The following CNTN4 variants were observed in gnomAD, a reference collection of about 807,000 sequenced individuals.
The protein encoded by CNTN4 is contactin-4.
In CNTN4, 77 loss-of-function variants were observed where a neutral mutation model predicts 122.5. The observed-to-expected ratio is 0.63, with a 90% CI of 0.52 to 0.76. CNTN4 has a LOEUF of 0.76. Among genes scored for constraint, CNTN4 ranks in the 30% least tolerant of loss-of-function variants. CNTN4 has a pLI of 0.00. For missense variants in CNTN4, 1,256 were observed against 1,259.1 expected (o/e 1.00, Z 0.04); for synonymous variants, 512 against 447.0 (o/e 1.15, Z -1.83).
intron 3 of CNTN4, among the ~76,000 whole-genome samples, chr3:2,445,397 C>A (rs112099212): frequency 5.0e-4 from 10 of 20,150 alleles, no homozygotes; most frequent in Non-Finnish European, 8.2e-4. Context: ...ATTTTTAATT[C>A]TTTGATAAAT....
At chr3:2,953,740 C>G (rs373337162) in intron 13 of CNTN4, among the ~76,000 whole-genome samples, 4 of 152,170 alleles carry the variant, frequency 2.6e-5, no homozygotes, top group African/African-American at 9.6e-5. Flanking sequence ...TATAAATTGT[C>G]TTCCCCCTTA....
intron 8 of CNTN4, among the ~76,000 whole-genome samples, chr3:2,870,139 A>G (rs2093768331): frequency 6.6e-6 from 1 of 152,256 alleles, no homozygotes; most frequent in Non-Finnish European, 1.5e-5. Flanking sequence ...ACAAACATTC[A>G]GGAACACAAG....
intron 4 of CNTN4, among the ~76,000 whole-genome samples, chr3:2,674,296 T>A (rs1163964892): frequency 1.3e-5 from 2 of 152,122 alleles, no homozygotes; most frequent in Non-Finnish European, 2.9e-5. Flanking sequence ...AATTGACACA[T>A]AATTGCATAT....
rs558941074 is a variant in CNTN4 at position 2,720,921 on chromosome 3, G to A, written c.56-15294G>A. ...TGGTAGAGCTGAGATTTTGAACCCAGGCACTGTGGTTTTGACCCCTATAGC... is the reference window on the plus strand; with the variant it reads ...TGGTAGAGCTGAGATTTTGAACCCAAGCACTGTGGTTTTGACCCCTATAGC... On this transcript the variant is annotated intron_variant, in intron 4 of 24. Transcript: ENST00000418658. Among the ~76,000 whole-genome samples the A allele has an allele frequency of 1.3e-4, 20 of 152,216 alleles. No individual in the cohort carries two copies. In the East Asian group the frequency reaches 3.7e-3, roughly 28 times the overall value.
intron 4 of CNTN4, among the ~76,000 whole-genome samples, chr3:2,673,834 G>C (rs376129361): frequency 6.6e-6 from 1 of 152,114 alleles, no homozygotes. Flanking sequence ...GAGTCGCTGC[G>C]CCCGGCCGGA....
chr3:2,471,674 A>G (rs568004269), intron 3 of CNTN4, among the ~76,000 whole-genome samples: 2 of 152,302 alleles, frequency 1.3e-5, no homozygotes, highest in African/African-American at 2.4e-5. Flanking sequence ...GCATTGGTTC[A>G]CAGTATTCCA....
intron 3 of CNTN4, among the ~76,000 whole-genome samples, chr3:2,400,430 T>TATATATATATATATATATATATATATAC (rs2046811017): frequency 1.8e-4 from 12 of 68,546 alleles, no homozygotes; most frequent in Admixed American, 1.4e-3. Flanking sequence ...TATATATACA[T>TATATATATATATATATATATATATATAC]ATATATATAT....
Position 3,016,494 on chromosome 3 carries a change from G to A in CNTN4, c.1487-9608G>A, listed in dbSNP as rs116687723. 2.8e-3 allele frequency among the ~76,000 whole-genome samples: 419 copies of A among 152,218 alleles called. 2 individuals carry two copies. The highest frequency in any genetic ancestry group is 9.5e-3 in the African/African-American group (393 of 41,542). The stretch of plus-strand genomic sequence containing the variant: ...GGAGGTTTGCTTTCCCTGGTCATGG[G>A]TAAAAATAAAAACAAACAAGTTGAC... On this transcript the variant is annotated intron_variant, in intron 14 of 24. Coordinates refer to ENST00000418658, the MANE Select transcript of CNTN4 (RefSeq NM_175607.3).
intron 3 of CNTN4, among the ~76,000 whole-genome samples, chr3:2,530,556 C>T (rs1263279248): frequency 2.0e-5 from 3 of 152,078 alleles, no homozygotes; most frequent in South Asian, 2.1e-4. Context: ...GATCTGCCTG[C>T]CTCAGCCTCC....
intron 3 of CNTN4, among the ~76,000 whole-genome samples, chr3:2,390,431 G>A (rs530798354): frequency 1.5e-4 from 23 of 151,718 alleles, no homozygotes; most frequent in Non-Finnish European, 2.8e-4. Flanking sequence ...ATAATCAGAG[G>A]GCAAAATAGC....
intron 2 of CNTN4, among the ~76,000 whole-genome samples, chr3:2,133,156 A>G (rs1021918950): frequency 6.6e-6 from 1 of 152,174 alleles, no homozygotes; most frequent in South Asian, 2.1e-4. Flanking sequence ...TGGAACTTCA[A>G]CACTTAATGG....
intron 2 of CNTN4, among the ~76,000 whole-genome samples, chr3:2,254,526 A>G (rs2040501948): frequency 6.6e-6 from 1 of 151,858 alleles, no homozygotes; most frequent in Non-Finnish European, 1.5e-5. Flanking sequence ...AAGCATTCCT[A>G]TTTCTCCACA....
At chr3:2,952,456 A>G (rs998414638) in intron 13 of CNTN4, among the ~76,000 whole-genome samples, 1 of 152,174 alleles carries the variant, frequency 6.6e-6, no homozygotes, top group Non-Finnish European at 1.5e-5. Flanking sequence ...TTAGATGGGA[A>G]AGTGCTTTTT....
At chr3:2,923,698 A>G (rs1559672522) in intron 12 of CNTN4, among the ~76,000 whole-genome samples, 1 of 152,140 alleles carries the variant, frequency 6.6e-6, no homozygotes. Context: ...CCATCAAGCT[A>G]CCTTCTCATG....
At chr3:2,129,533 T>G (rs776378491) in intron 2 of CNTN4, among the ~76,000 whole-genome samples, 3 of 152,054 alleles carry the variant, frequency 2.0e-5, no homozygotes, top group Non-Finnish European at 2.9e-5. Flanking sequence ...GACTTTGACT[T>G]GAACTTCTTC....
intron 3 of CNTN4, among the ~76,000 whole-genome samples, chr3:2,561,907 C>T (rs2078972888): frequency 6.6e-6 from 1 of 152,174 alleles, no homozygotes; most frequent in Non-Finnish European, 1.5e-5. Context: ...TTGGGCTAAG[C>T]AGCAAAGAGT....
chr3:2,144,137 G>A (rs983381224), intron 2 of CNTN4: 1 of 152,178 alleles, frequency 6.6e-6, no homozygotes, highest in Non-Finnish European at 1.5e-5. Flanking sequence ...TACCTAGTAA[G>A]CCTTCATGAT....
intron 3 of CNTN4, among the ~76,000 whole-genome samples, chr3:2,560,221 GCCTCGATTT>G (rs1383139865): frequency 6.6e-6 from 1 of 151,230 alleles, no homozygotes; most frequent in Non-Finnish European, 1.5e-5. Context: ...GCTCACTGCA[GCCTCGATTT>G]CCCAGGCTCA....
At chr3:2,226,330 T>A (rs2039282829) in intron 2 of CNTN4, among the ~76,000 whole-genome samples, 1 of 152,174 alleles carries the variant, frequency 6.6e-6, no homozygotes, top group Non-Finnish European at 1.5e-5. Flanking sequence ...TCCGTAAGAA[T>A]CTTATCATGT....
Sources: gnomAD v4.1 joint callset for allele counts (sites outside exome capture counted in the v4.1 genomes callset) on GRCh38, gnomAD v4.1.1 for gene constraint, MANE v1.5 for transcripts, NCBI Gene and HGNC (gene_info 2026-07-23, HGNC 2026-07-21) for gene names.